The following HEATR4 variants were observed in gnomAD, a reference collection of about 807,000 sequenced individuals.
HEATR4 encodes HEAT repeat-containing protein 4.
In HEATR4, 95 loss-of-function variants were observed where a neutral mutation model predicts 108.8. That is an observed-to-expected ratio of 0.87 (90% CI 0.74 to 1.04). HEATR4 has a LOEUF of 1.04. Among genes scored for constraint, HEATR4 ranks in the 50% least tolerant of loss-of-function variants. The pLI is 0.00. For synonymous variants in HEATR4, 443 were observed against 459.4 expected (o/e 0.96, Z 0.46); for missense variants, 1,152 against 1,253.8 (o/e 0.92, Z 1.23).
chr14:73,615,031 G>A, the HEATR4 span, among the ~76,000 whole-genome samples: 1 of 148,932 alleles, frequency 6.7e-6, no homozygotes, highest in South Asian at 2.1e-4. Flanking sequence ...AGAGGTTGCA[G>A]TGAGCCAAGA....
the HEATR4 span, among the ~76,000 whole-genome samples, chr14:73,572,656 T>TGAGACAG: frequency 7.5e-6 from 1 of 133,098 alleles, no homozygotes; most frequent in African/African-American, 2.9e-5. Flanking sequence ...TTTTTTTTTT[T>TGAGACAG]TTTTTTTTTG....
the HEATR4 span, among the ~76,000 whole-genome samples, chr14:73,604,953 AAC>A: frequency 1.3e-5 from 2 of 152,190 alleles, no homozygotes; most frequent in Non-Finnish European, 2.9e-5. Flanking sequence ...TCATAAGGAA[AAC>A]AGAGGGTTTC....
chr14:73,523,022 G>C lies in HEATR4; in HGVS notation c.131C>G (p.Ser44Cys). 1.9e-6 allele frequency: 3 copies of C among 1,613,982 alleles called. No homozygotes were observed. Among genetic ancestry groups the C allele is most frequent in the Non-Finnish European group, 8.5e-7 (1 of 1,180,052 alleles). Residue 44 changes from serine (S) to cysteine (C), a missense_variant, in exon 3 of 18, where the codon TCC becomes TGC. Ser to Cys is a moderately radical substitution (Grantham distance 112). Transcript: ENST00000553558. ...LKGKEECASV[S>C]SVPMVFFSSQ... ...GCTGAAGAAGACCATAGGCACACTG[G>C]AGACAGAGGCACACTCCTCCTTGCC...
At chr14:73,516,147 CAAAAAAAAAAAAA>C (rs149945107) in intron 5 of HEATR4, among the ~76,000 whole-genome samples, 1 of 9,158 alleles carries the variant, frequency 1.1e-4, no homozygotes, top group Non-Finnish European at 1.5e-4. Context: ...CAACAGTCAT[CAAAAAAAAAAAAA>C]AAAAAAAAAA....
the HEATR4 span, among the ~76,000 whole-genome samples, chr14:73,607,181 G>A: frequency 2.9e-3 from 444 of 152,168 alleles, 1 homozygote; most frequent in Non-Finnish European, 4.4e-3. Flanking sequence ...GTCATGGCAC[G>A]TGCCTATGAT....
intron 5 of HEATR4, among the ~76,000 whole-genome samples, chr14:73,516,718 G>A (rs4903118): frequency 0.18 from 27,292 of 152,148 alleles, 3,165 homozygotes; most frequent in South Asian, 0.25. Flanking sequence ...GTGGTGGGTG[G>A]GCAAGCATTA....
chr14:73,607,652 T>C, the HEATR4 span, among the ~76,000 whole-genome samples: 3 of 152,090 alleles, frequency 2.0e-5, no homozygotes, highest in Non-Finnish European at 4.4e-5. Context: ...AGGAAGACTT[T>C]CGCTCTTGTC....
At chr14:73,612,628 G>A in the HEATR4 span, 1 of 1,408,190 alleles carries the variant, frequency 7.1e-7, no homozygotes, top group Non-Finnish European at 9.3e-7. Context: ...ACGAGCCGCT[G>A]CGCATCGCAG....
the HEATR4 span, among the ~76,000 whole-genome samples, chr14:73,599,707 T>C: frequency 6.6e-6 from 1 of 152,192 alleles, no homozygotes; most frequent in Admixed American, 6.6e-5. Context: ...CACTCTCCCA[T>C]GCTCTATTGA....
At chr14:73,594,671 A>AAGTT in the HEATR4 span, among the ~76,000 whole-genome samples, 17 of 137,320 alleles carry the variant, frequency 1.2e-4, no homozygotes, top group African/African-American at 5.8e-5. Context: ...TGCATTGGAT[A>AAGTT]AGTTATTTAT....
chr14:73,617,278 G>GA, the HEATR4 span: 1 of 1,559,758 alleles, frequency 6.4e-7, no homozygotes, highest in Non-Finnish European at 8.8e-7. Context: ...AGAACACTGA[G>GA]AACTAGAAAC....
At position 73,494,963 on chromosome 14, in the gene HEATR4, T is replaced by C. The variant is rs1469756140; in HGVS notation, c.2785+265A>G. ...TTTATAAAGACTTGTGTTTTTCTGATATGTCCTTTTTTGACCTAACTTTTA... is the reference window on the plus strand; with the variant it reads ...TTTATAAAGACTTGTGTTTTTCTGACATGTCCTTTTTTGACCTAACTTTTA... On this transcript the variant is annotated intron_variant, in intron 16 of 17. Coordinates refer to ENST00000553558, the MANE Select transcript of HEATR4 (RefSeq NM_001220484.1). Among the ~76,000 whole-genome samples the C allele has an allele frequency of 2.0e-5, 3 of 152,286 alleles. No homozygotes were observed. The East Asian group carries it at 5.8e-4, about 29-fold the overall frequency.
intron 2 of HEATR4, among the ~76,000 whole-genome samples, chr14:73,523,538 T>C (rs1888105419): frequency 1.3e-5 from 2 of 152,224 alleles, no homozygotes; most frequent in South Asian, 4.1e-4. Context: ...AAAAGGCTTA[T>C]AGTGTAAAGT....
At chr14:73,589,724 GT>G in the HEATR4 span, among the ~76,000 whole-genome samples, 1 of 152,142 alleles carries the variant, frequency 6.6e-6, no homozygotes, top group African/African-American at 2.4e-5. Context: ...ACTGGTCTTG[GT>G]CTCACTGACT....
At chr14:73,519,248 C>T (rs112368481) in intron 4 of HEATR4, 85 bp from the exon 5 acceptor site, 1 of 1,416,792 alleles carries the variant, frequency 7.1e-7, no homozygotes. Flanking sequence ...GGATCAGACC[C>T]AACTTCCTTT....
rs1380420507 is a variant in HEATR4 at position 73,546,490 on chromosome 14, A to G, written c.-152+12261T>C. Among the ~76,000 whole-genome samples the G allele has an allele frequency of 2.7e-5, 3 of 111,516 alleles. 1 individual carries two copies. The highest frequency in any genetic ancestry group is 5.8e-5 in the Non-Finnish European group (3 of 51,642). 73.2% of individuals were successfully genotyped at this position (111,516 alleles called of 152,430 possible). On this transcript the variant is annotated intron_variant, in intron 1 of 17. Coordinates refer to ENST00000553558, the MANE Select transcript of HEATR4 (RefSeq NM_001220484.1). ...GTGATCCTCCCACCTCAGCCCCCTGAGTAGCTGGGACTGCAGACACATGTC... is the reference window on the plus strand; with the variant it reads ...GTGATCCTCCCACCTCAGCCCCCTGGGTAGCTGGGACTGCAGACACATGTC...
the HEATR4 span, among the ~76,000 whole-genome samples, chr14:73,633,007 CT>C: frequency 6.5e-4 from 79 of 122,038 alleles, no homozygotes; most frequent in Middle Eastern, 4.2e-3. Flanking sequence ...CTCTCTCTCT[CT>C]TTTTTTTTTT....
the HEATR4 span, among the ~76,000 whole-genome samples, chr14:73,597,306 G>A: frequency 2.4e-4 from 36 of 151,238 alleles, no homozygotes; most frequent in Admixed American, 1.3e-3. Context: ...GGATGGTCTC[G>A]ATCTCCTGAC....
the HEATR4 span, among the ~76,000 whole-genome samples, chr14:73,604,440 C>T: frequency 6.6e-6 from 1 of 151,976 alleles, no homozygotes; most frequent in Admixed American, 6.6e-5. Flanking sequence ...GCTGGGATTA[C>T]AGGCATGAGC....
Sources: allele counts gnomAD v4.1 joint callset (sites outside exome capture counted in the v4.1 genomes callset), GRCh38; gene constraint gnomAD v4.1.1; transcripts MANE v1.5; gene names NCBI Gene and HGNC (gene_info 2026-07-23, HGNC 2026-07-21).